The following OSBP2 variants were observed in gnomAD, a reference collection of about 807,000 sequenced individuals.
OSBP2 encodes oxysterol-binding protein 2.
Under a neutral mutation model 96.0 loss-of-function variants are expected in OSBP2, and 66 were observed. That is an observed-to-expected ratio of 0.69 (90% CI 0.56 to 0.84). The LOEUF is 0.84. Ranked by LOEUF, OSBP2 falls within the 40% of genes least tolerant of loss-of-function variation. The pLI is 0.00. For missense variants in OSBP2, 1,038 were observed against 1,222.7 expected, an observed-to-expected ratio of 0.85 and a Z score of 2.25; for synonymous variants, 525 against 520.9, an observed-to-expected ratio of 1.01 and a Z score of -0.11.
chr22:30,840,602 A>G (rs1171693971), intron 2 of OSBP2, among the ~76,000 whole-genome samples: 4 of 152,186 alleles, frequency 2.6e-5, no homozygotes, highest in African/African-American at 7.2e-5. Flanking sequence ...CTCCAAACCT[A>G]TGTCTTATCT....
chr22:30,841,243 A>C (rs773449324), intron 2 of OSBP2, among the ~76,000 whole-genome samples: 1 of 152,232 alleles, frequency 6.6e-6, no homozygotes, highest in Non-Finnish European at 1.5e-5. Flanking sequence ...AGGCTAGGCA[A>C]ACCATCGTTA....
chr22:30,907,032 G>A lies in OSBP2; in HGVS notation c.*693G>A, dbSNP rs1332738056. ...CTCCCATCCACAGATGCAGGAGGGGGTACTGATGGTAACCCCCATGTGGAT... is the reference window on the plus strand; with the variant it reads ...CTCCCATCCACAGATGCAGGAGGGGATACTGATGGTAACCCCCATGTGGAT... On this transcript the variant is annotated 3_prime_UTR_variant, in exon 14 of 14. Coordinates refer to ENST00000332585, the MANE Select transcript of OSBP2 (RefSeq NM_030758.4). The A allele has an allele frequency of 6.6e-6, 1 of 152,604 alleles. No individual in the cohort carries two copies. The highest frequency in any genetic ancestry group is 2.4e-5 in the African/African-American group (1 of 41,474). 9.5% of individuals were successfully genotyped at this position (152,604 alleles called of 1,614,324 possible). A position where few individuals can be genotyped will look rare whatever the true frequency, so the allele number is the denominator to read the frequency against.
intron 2 of OSBP2, among the ~76,000 whole-genome samples, chr22:30,827,062 C>T (rs1346611528): frequency 6.6e-6 from 1 of 151,924 alleles, no homozygotes; most frequent in Non-Finnish European, 1.5e-5. Context: ...GAGGTGACAC[C>T]CAGCTGTGTA....
In OSBP2 at chr22:30,905,774, G is replaced by A. The variant is rs559795077; in HGVS notation, c.2376-63G>A. The A allele has an allele frequency of 1.6e-5, 25 of 1,591,500 alleles. No homozygotes were observed. In the African/African-American group the frequency reaches 1.7e-4, roughly 11 times the overall value. ...GAGACACCGCCAGGCAGGGGAGGGCGGCCGGGTAGGTGTGGTCCGGCTCAC... is the reference window on the plus strand; with the variant it reads ...GAGACACCGCCAGGCAGGGGAGGGCAGCCGGGTAGGTGTGGTCCGGCTCAC... On this transcript the variant is annotated intron_variant, in intron 12 of 13. Coordinates refer to ENST00000332585, the MANE Select transcript of OSBP2 (RefSeq NM_030758.4).
chr22:30,828,920 G>A (rs1602324054), intron 2 of OSBP2, among the ~76,000 whole-genome samples: 2 of 152,282 alleles, frequency 1.3e-5, no homozygotes, highest in African/African-American at 4.8e-5. Context: ...TGGACTGGAA[G>A]GGCCTGGAGG....
chr22:30,754,678 C>A (rs948938213), intron 2 of OSBP2, among the ~76,000 whole-genome samples: 1 of 152,156 alleles, frequency 6.6e-6, no homozygotes, highest in African/African-American at 2.4e-5. Context: ...CTCAGGGAAG[C>A]CTGTGTGCTG....
At chr22:30,790,080 A>G (rs1328924899) in intron 2 of OSBP2, among the ~76,000 whole-genome samples, 1 of 152,100 alleles carries the variant, frequency 6.6e-6, no homozygotes, top group African/African-American at 2.4e-5. Context: ...CTGCAGAAGG[A>G]GGATGCAGCC....
intron 2 of OSBP2, among the ~76,000 whole-genome samples, chr22:30,799,086 TTC>T (rs1569128821): frequency 4.0e-5 from 6 of 149,424 alleles, no homozygotes; most frequent in African/African-American, 1.2e-4. Context: ...CCTTCCTTCC[TTC>T]CTTCCTTCCT....
chr22:30,780,776 G>A (rs2090508162), intron 2 of OSBP2, among the ~76,000 whole-genome samples: 1 of 151,828 alleles, frequency 6.6e-6, no homozygotes, highest in Non-Finnish European at 1.5e-5. Flanking sequence ...GGGATTACAG[G>A]AGTGAGCCAC....
At chr22:30,828,888 G>A (rs568471018) in intron 2 of OSBP2, among the ~76,000 whole-genome samples, 2 of 152,304 alleles carry the variant, frequency 1.3e-5, no homozygotes, top group East Asian at 3.9e-4. Context: ...TGAGCCCCTA[G>A]GTAGCGAGGG....
chr22:30,882,305 C>T (rs1390661084), intron 3 of OSBP2, among the ~76,000 whole-genome samples: 1 of 152,228 alleles, frequency 6.6e-6, no homozygotes, highest in Non-Finnish European at 1.5e-5. Flanking sequence ...CACAACATCC[C>T]TGCCCTCAAG....
intron 2 of OSBP2, among the ~76,000 whole-genome samples, chr22:30,867,435 C>T (rs1289242904): frequency 6.6e-6 from 1 of 152,206 alleles, no homozygotes; most frequent in Non-Finnish European, 1.5e-5. Flanking sequence ...AACCCATGGG[C>T]CTAGGTGGGC....
chr22:30,830,409 C>T (rs75339729), intron 2 of OSBP2, among the ~76,000 whole-genome samples: 174 of 152,354 alleles, frequency 1.1e-3, no homozygotes, highest in Non-Finnish European at 1.9e-3. Context: ...GGCTGCCTGC[C>T]GCATCCTGAC....
At chr22:30,753,987 C>T (rs1049586333) in intron 2 of OSBP2, among the ~76,000 whole-genome samples, 1 of 152,158 alleles carries the variant, frequency 6.6e-6, no homozygotes, top group African/African-American at 2.4e-5. Flanking sequence ...ACACATTGTT[C>T]CCTGTGTGGA....
At position 30,907,536 on chromosome 22, in the gene OSBP2, A is replaced by T. The variant is rs2040357069; in HGVS notation, c.*1197A>T. On this transcript the variant is annotated 3_prime_UTR_variant, in exon 14 of 14. Coordinates refer to ENST00000332585, the MANE Select transcript of OSBP2 (RefSeq NM_030758.4). ...ATGGCCACTGACCCAGCCCCTCAGA[A>T]TCCCACACTCCAATCCTTTCCATTT... The T allele has an allele frequency of 6.6e-6, 1 of 152,304 alleles. No homozygotes were observed. Among genetic ancestry groups the T allele is most frequent in the Non-Finnish European group, 1.5e-5 (1 of 67,998 alleles). 9.4% of individuals were successfully genotyped at this position (152,304 alleles called of 1,614,324 possible).
Position 30,695,391 on chromosome 22 carries a change from C to T in OSBP2, c.482C>T (p.Pro161Leu). ...PLLRPGQAKT[P>L]LGVPMSGTGT... ...CTGCGACCAGGACAGGCGAAGACTCCTCTTGGGGTTCCAATGTCGGGGACT... is the reference window on the plus strand; with the variant it reads ...CTGCGACCAGGACAGGCGAAGACTCTTCTTGGGGTTCCAATGTCGGGGACT... Residue 161 changes from proline to leucine, a missense_variant, in exon 1 of 14, where the codon CCT (proline) becomes CTT (leucine). Pro to Leu is a moderately conservative substitution (Grantham distance 98). Coordinates refer to ENST00000332585, the MANE Select transcript of OSBP2 (RefSeq NM_030758.4). 1.2e-6 allele frequency: 2 copies of T among 1,613,936 alleles called. No homozygotes were observed. The highest frequency in any genetic ancestry group is 1.7e-6 in the Non-Finnish European group (2 of 1,180,050).
At chr22:30,706,776 G>C (rs967866492) in intron 1 of OSBP2, among the ~76,000 whole-genome samples, 1 of 152,054 alleles carries the variant, frequency 6.6e-6, no homozygotes, top group Non-Finnish European at 1.5e-5. Context: ...CCTCACTCCA[G>C]ATCTTCCTGC....
intron 8 of OSBP2, among the ~76,000 whole-genome samples, chr22:30,891,916 T>C (rs2039956855): frequency 6.6e-6 from 1 of 152,176 alleles, no homozygotes; most frequent in African/African-American, 2.4e-5. Flanking sequence ...ATACTGTGGC[T>C]GCTTCCAGCT....
chr22:30,843,474 A>G (rs538205163), intron 2 of OSBP2, among the ~76,000 whole-genome samples: 15 of 145,020 alleles, frequency 1.0e-4, no homozygotes, highest in Non-Finnish European at 2.2e-4. Flanking sequence ...ATAGGTCCTG[A>G]CAGTGGGCTT....
Sources: gnomAD v4.1 joint callset for allele counts (sites outside exome capture counted in the v4.1 genomes callset) on GRCh38, gnomAD v4.1.1 for gene constraint, MANE v1.5 for transcripts, NCBI Gene and HGNC (gene_info 2026-07-23, HGNC 2026-07-21) for gene names.